The following RSRC2 variants were observed in gnomAD, a reference collection of about 807,000 sequenced individuals.
The protein encoded by RSRC2 is arginine and serine rich coiled-coil 2.
A neutral mutation model predicts 61.3 loss-of-function variants in RSRC2; 5 were observed. The ratio of observed to expected loss-of-function variants is 0.08; its 90% CI spans 0.04 to 0.17. The LOEUF is 0.17. RSRC2 is among the 10% of genes least tolerant of loss of function. The pLI, the probability that RSRC2 is intolerant of heterozygous loss-of-function variation, is 1.00. For synonymous variants in RSRC2, 202 were observed against 166.5 expected (o/e 1.21, Z -1.64); for missense variants, 381 against 518.8 (o/e 0.73, Z 2.58).
chr12:122,514,633 G>T (rs1321788463), intron 6 of RSRC2: 16 of 1,002,050 alleles, frequency 1.6e-5, no homozygotes, highest in Non-Finnish European at 1.9e-5. Flanking sequence ...AAACTTACAA[G>T]ATCAAATAAA....
At chr12:122,507,003 T>A (rs751939543) in intron 8 of RSRC2, 80 bp from the exon 9 acceptor site, 4 of 770,630 alleles carry the variant, frequency 5.2e-6, no homozygotes, top group Non-Finnish European at 8.7e-6. Context: ...AATGTCTAAA[T>A]TAAAAAAAAA....
chr12:122,516,266 A>G (rs1958916339), intron 5 of RSRC2, among the ~76,000 whole-genome samples: 1 of 152,202 alleles, frequency 6.6e-6, no homozygotes, highest in African/African-American at 2.4e-5. Context: ...CAAGCAGAGA[A>G]TAACGCATTC....
chr12:122,513,267 T>TA (rs936708474), intron 6 of RSRC2, among the ~76,000 whole-genome samples: 2 of 149,206 alleles, frequency 1.3e-5, no homozygotes, highest in Non-Finnish European at 3.0e-5. Context: ...AAATAAAAAA[T>TA]AAAAAAAGTA....
At chr12:122,514,270 G>GTGTTTTT (rs1216422331) in intron 6 of RSRC2, among the ~76,000 whole-genome samples, 2 of 135,266 alleles carry the variant, frequency 1.5e-5, no homozygotes, top group Non-Finnish European at 3.1e-5. Flanking sequence ...GTGTGTGTGT[G>GTGTTTTT]TTTTTTTTTT....
intron 9 of RSRC2, among the ~76,000 whole-genome samples, chr12:122,506,007 G>A (rs1958093210): frequency 1.3e-5 from 2 of 151,952 alleles, no homozygotes; most frequent in Admixed American, 1.3e-4. Flanking sequence ...TCGAACTCCT[G>A]ACCTCAGGGA....
chr12:122,526,710 G>C (rs769209715), intron 1 of RSRC2, 138 bp downstream of exon 1: 1 of 959,924 alleles, frequency 1.0e-6, no homozygotes, highest in Admixed American at 1.8e-5. Flanking sequence ...AGGCAGCCAT[G>C]ATGGCGGGCG....
At chr12:122,521,958 G>C (rs941950622) in intron 2 of RSRC2, among the ~76,000 whole-genome samples, 185 bp downstream of exon 2, 1 of 152,214 alleles carries the variant, frequency 6.6e-6, no homozygotes, top group African/African-American at 2.4e-5. Context: ...CTGAGAGTGT[G>C]TCAATTTTTG....
chr12:122,523,163 G>C (rs2137553220), intron 1 of RSRC2: 1 of 152,214 alleles, frequency 6.6e-6, no homozygotes, highest in Admixed American at 6.5e-5. Context: ...AACTATTTTA[G>C]GCATATTTAA....
chr12:122,525,807 T>TAAAGGAACAAGG (rs1444634214), intron 1 of RSRC2, among the ~76,000 whole-genome samples: 3 of 6,010 alleles, frequency 5.0e-4, no homozygotes, highest in South Asian at 7.9e-3. Flanking sequence ...AAGAGTTTTT[T>TAAAGGAACAAGG]TTTTTTTTTT....
At chr12:122,512,874 T>C (rs1010229653) in intron 6 of RSRC2, among the ~76,000 whole-genome samples, 23 of 152,116 alleles carry the variant, frequency 1.5e-4, no homozygotes, top group African/African-American at 5.1e-4. Flanking sequence ...AGAATAAAAG[T>C]TTGTAAATTA....
In RSRC2 at chr12:122,505,400, G is replaced by A. The variant is rs1412636073; in HGVS notation, c.*127C>T. 4 of 833,150 alleles carry A rather than the reference G, an allele frequency of 4.8e-6. No individual in the cohort carries two copies. The highest frequency in any genetic ancestry group is 5.3e-5 in the East Asian group (2 of 38,028). 51.6% of individuals were successfully genotyped at this position (833,150 alleles called of 1,614,324 possible). A position where few individuals can be genotyped will look rare whatever the true frequency, so the allele number is the denominator to read the frequency against. ...ACTGATCTGATATTTACAAAAATTT[G>A]TATTTTTCAATAAATTAAAGTCAAT... On this transcript the variant is annotated 3_prime_UTR_variant, in exon 10 of 10. Transcript: ENST00000331738.
At position 122,503,913 on chromosome 12, in the gene RSRC2, T is replaced by C. The variant is rs1409067312; in HGVS notation, c.*1614A>G. ...ACCTGGGCAACGTAACAAGACCTTGTCTTTATAAAAAATTAAAAACAAGCT... is the reference window on the plus strand; with the variant it reads ...ACCTGGGCAACGTAACAAGACCTTGCCTTTATAAAAAATTAAAAACAAGCT... On this transcript the variant is annotated 3_prime_UTR_variant, in exon 10 of 10. Coordinates refer to ENST00000331738, the MANE Select transcript of RSRC2 (RefSeq NM_023012.6). 1 of 151,944 alleles carries C rather than the reference T, an allele frequency of 6.6e-6. No individual in the cohort carries two copies. The highest frequency in any genetic ancestry group is 2.4e-5 in the African/African-American group (1 of 41,350). The allele number at this position is 151,944 out of a possible 1,614,324, so 9.4% of individuals were successfully genotyped here.
chr12:122,508,951 C>T (rs577335672), intron 7 of RSRC2, among the ~76,000 whole-genome samples: 4 of 150,646 alleles, frequency 2.7e-5, no homozygotes, highest in Admixed American at 6.6e-5. Context: ...AGCGAAACTC[C>T]GTATCAAAAC....
In RSRC2 at chr12:122,526,916, T is replaced by C. The variant is rs896941801; in HGVS notation, c.-63A>G. 1.2e-4 allele frequency: 196 copies of C among 1,599,506 alleles called. No homozygotes were observed. The highest frequency in any genetic ancestry group is 8.3e-4 in the Middle Eastern group (5 of 6,038). ...TGTCGCTTTCAACAGTACCGGCCGC[T>C]CCGAAGCTTCGCCTCAGACTAAATC... is the stretch of plus-strand genomic sequence containing the variant. On this transcript the variant is annotated 5_prime_UTR_variant, in exon 1 of 10. Coordinates refer to ENST00000331738, the MANE Select transcript of RSRC2 (RefSeq NM_023012.6).
chr12:122,515,346 CA>C, intron 5 of RSRC2, 119 bp from the exon 6 acceptor site: 1 of 949,446 alleles, frequency 1.1e-6, no homozygotes, highest in Non-Finnish European at 1.6e-6. Flanking sequence ...GTTTGAGATG[CA>C]AAAGATTTAA....
chr12:122,525,013 C>A lies in RSRC2; in HGVS notation c.6+1835G>T, dbSNP rs377540490. On this transcript the variant is annotated intron_variant, in intron 1 of 9. Transcript: ENST00000331738. ...CACTGGATTGAATACTAGGTCACTTCTCTAGGGGACTGTCTTTTTATTGAA... is the reference window on the plus strand; with the variant it reads ...CACTGGATTGAATACTAGGTCACTTATCTAGGGGACTGTCTTTTTATTGAA... Among the ~76,000 whole-genome samples, 8 of 152,230 alleles carry A rather than the reference C, an allele frequency of 5.3e-5. No homozygotes were observed. The East Asian group carries it at 1.2e-3, about 22-fold the overall frequency.
chr12:122,517,661 G>A (rs550229784), intron 4 of RSRC2, among the ~76,000 whole-genome samples: 55 of 152,072 alleles, frequency 3.6e-4, no homozygotes, highest in African/African-American at 1.3e-3. Context: ...TGTCAAAAGC[G>A]TTCAATGCAT....
rs947731179 is a variant in RSRC2, at chr12:122,503,638, T to C, written c.*1889A>G. 11 of 152,288 alleles carry C rather than the reference T, an allele frequency of 7.2e-5. No individual in the cohort carries two copies. The highest frequency in any genetic ancestry group is 5.8e-4 in the East Asian group (3 of 5,188). 9.4% of individuals were successfully genotyped at this position (152,288 alleles called of 1,614,324 possible). ...ATTGATTTAAAAAGGCAGAGCTTAA[T>C]TGAAAAATGTTGATGATCACGAAAT... On this transcript the variant is annotated 3_prime_UTR_variant, in exon 10 of 10. Transcript: ENST00000331738.
intron 1 of RSRC2, 46 bp downstream of exon 1, chr12:122,526,802 G>T: frequency 6.2e-7 from 1 of 1,610,518 alleles, no homozygotes; most frequent in Non-Finnish European, 8.5e-7. Flanking sequence ...CTGTTGGAAC[G>T]TAGCAGAAAA....
Sources: allele counts gnomAD v4.1 joint callset (sites outside exome capture counted in the v4.1 genomes callset), GRCh38; gene constraint gnomAD v4.1.1; transcripts MANE v1.5; gene names NCBI Gene and HGNC (gene_info 2026-07-23, HGNC 2026-07-21).